MCCC2: variants seen among roughly 807,000 people sequenced by gnomAD.
MCCC2 encodes methylcrotonyl-CoA carboxylase subunit 2.
MCCC2 carries 52 observed loss-of-function variants against 77.2 expected under a neutral mutation model. That is an observed-to-expected ratio of 0.67 (90% confidence interval 0.54 to 0.85). The LOEUF is 0.85. Ranked by LOEUF, MCCC2 falls within the 40% of genes least tolerant of loss-of-function variation. MCCC2 has a pLI of 0.00. For synonymous variants in MCCC2, 253 were observed against 248.4 expected (o/e 1.02, Z -0.18); for missense variants, 682 against 703.2 (o/e 0.97, Z 0.34).
chr5:71,616,256 G>A (rs567844721), intron 6 of MCCC2, among the ~76,000 whole-genome samples: 3 of 152,252 alleles, frequency 2.0e-5, no homozygotes, highest in African/African-American at 7.2e-5. Context: ...GAGTTCTGTG[G>A]GCCACTCTTG....
intron 6 of MCCC2, among the ~76,000 whole-genome samples, chr5:71,620,212 A>G (rs1277484970): frequency 2.0e-5 from 3 of 152,194 alleles, no homozygotes; most frequent in African/African-American, 4.8e-5. Context: ...ATCAGTCAGT[A>G]TAGTTGATAA....
At chr5:71,610,803 G>A (rs1403503638) in intron 6 of MCCC2, among the ~76,000 whole-genome samples, 4 of 151,336 alleles carry the variant, frequency 2.6e-5, no homozygotes, top group East Asian at 4.0e-4. Context: ...TGGCTAACGC[G>A]GTGAAACCCC....
chr5:71,602,429 G>A, intron 4 of MCCC2, 77 bp from the exon 5 acceptor site: 1 of 1,576,588 alleles, frequency 6.3e-7, no homozygotes, highest in Non-Finnish European at 8.7e-7. Context: ...GGTTGTATTG[G>A]GGTATCTTGT....
chr5:71,592,818 C>T (rs1745031116), intron 1 of MCCC2, 108 bp from the exon 2 acceptor site: 3 of 889,768 alleles, frequency 3.4e-6, no homozygotes, highest in Admixed American at 2.1e-5. Flanking sequence ...GGCGGCCACA[C>T]AGAGTTGGCA....
chr5:71,606,327 CT>C (rs1439312269), intron 6 of MCCC2, among the ~76,000 whole-genome samples: 4 of 151,746 alleles, frequency 2.6e-5, no homozygotes, highest in African/African-American at 9.7e-5. Flanking sequence ...ATTTTATTCT[CT>C]TTGAAGCAAT....
chr5:71,652,555 T>C (rs1747463103), intron 15 of MCCC2, 114 bp from the exon 16 acceptor site: 1 of 805,590 alleles, frequency 1.2e-6, no homozygotes, highest in Non-Finnish European at 2.1e-6. Context: ...ACTATGCACA[T>C]GTTAGATGTA....
intron 5 of MCCC2, among the ~76,000 whole-genome samples, chr5:71,603,373 G>C (rs902702783): frequency 7.3e-6 from 1 of 137,306 alleles, no homozygotes; most frequent in African/African-American, 2.8e-5. Context: ...CTGAAATCGT[G>C]CCACTGTACT....
chr5:71,626,648 G>A lies in MCCC2; in HGVS notation c.633G>A (p.Val211=). 2 of 1,613,754 alleles carry A rather than the reference G, an allele frequency of 1.2e-6. No individual in the cohort carries two copies. Among genetic ancestry groups the A allele is most frequent in the Non-Finnish European group, 1.7e-6 (2 of 1,179,736 alleles). The part of the protein sequence containing the change: ...MSSKNIAQIA[V]VMGSCTAGGA... ...GTGTGCTTGGATTCCAGATCGCAGT[G>A]GTCATGGGCTCCTGCACCGCAGGAG... is the stretch of plus-strand genomic sequence containing the variant. Residue 211 remains valine (V), a synonymous_variant, in exon 7 of 17, where the codon GTG becomes GTA. Transcript: ENST00000340941.
chr5:71,615,647 G>A (rs2112378211), intron 6 of MCCC2, among the ~76,000 whole-genome samples: 1 of 152,198 alleles, frequency 6.6e-6, no homozygotes, highest in South Asian at 2.1e-4. Flanking sequence ...TCCAGGAACA[G>A]AGCTCCTAAA....
chr5:71,593,370 G>C (rs985100361), intron 2 of MCCC2, among the ~76,000 whole-genome samples: 4 of 151,716 alleles, frequency 2.6e-5, no homozygotes, highest in Non-Finnish European at 4.4e-5. Flanking sequence ...AATTATAGGC[G>C]TGAGCCACTA....
intron 6 of MCCC2, among the ~76,000 whole-genome samples, chr5:71,622,301 C>T (rs891596829): frequency 6.6e-6 from 1 of 151,766 alleles, no homozygotes; most frequent in African/African-American, 2.4e-5. Flanking sequence ...CTCAGGTACC[C>T]CATAAATATA....
intron 7 of MCCC2, 149 bp from the exon 8 acceptor site, chr5:71,631,972 C>T (rs1266855214): frequency 1.3e-6 from 1 of 755,280 alleles, no homozygotes; most frequent in African/African-American, 1.7e-5. Context: ...TCCAGGTTTC[C>T]TAGGTGCATG....
intron 11 of MCCC2, among the ~76,000 whole-genome samples, chr5:71,642,216 G>A (rs1265474271): frequency 6.7e-6 from 1 of 149,166 alleles, no homozygotes; most frequent in Admixed American, 6.7e-5. Flanking sequence ...GAGTGAGAAG[G>A]AGAAGAAGGG....
chr5:71,618,488 TCTTCCTTCCTTCCTTCCTTC>T (rs60010762), intron 6 of MCCC2, among the ~76,000 whole-genome samples: 1,025 of 97,202 alleles, frequency 0.011, 15 homozygotes, highest in Middle Eastern at 0.033. Flanking sequence ...CTTCTTTCCT[TCTTCCTTCCTTCCTTCCTTC>T]CTTCCTTCCT....
intron 6 of MCCC2, among the ~76,000 whole-genome samples, chr5:71,616,385 T>G (rs1746154047): frequency 6.6e-6 from 1 of 152,224 alleles, no homozygotes; most frequent in Non-Finnish European, 1.5e-5. Context: ...CTTGTAGGAC[T>G]GAGCCCTTAG....
chr5:71,656,855 A>G lies in MCCC2; in HGVS notation c.1687A>G (p.Met563Val), dbSNP rs762583761. The G allele has an allele frequency of 6.2e-7, 1 of 1,610,236 alleles. No individual in the cohort carries two copies. The highest frequency in any genetic ancestry group is 1.1e-5 in the South Asian group (1 of 91,014). The change falls in exon 17 of 17, where the codon ATG becomes GTG. Residue 563 changes from methionine (M) to valine (V), a missense_variant. Transcript: ENST00000340941. Reference sequence around the variant, plus strand: ...GAAGACTGACTTCGGTATCTTCAGGATGTAACTGGAATAAAGGATGTTTTC... The same window carrying G: ...GAAGACTGACTTCGGTATCTTCAGGGTGTAACTGGAATAAAGGATGTTTTC... ...IEKTDFGIFR[M>V]
chr5:71,609,132 A>G (rs1001035122), intron 6 of MCCC2, among the ~76,000 whole-genome samples: 10 of 152,188 alleles, frequency 6.6e-5, no homozygotes, highest in Admixed American at 6.5e-4. Flanking sequence ...TAGATTGTGG[A>G]AGTTCTCCTG....
At position 71,595,647 on chromosome 5, in the gene MCCC2, G is replaced by A. The variant is rs1457770884; in HGVS notation, c.197-633G>A. 3.9e-5 allele frequency among the ~76,000 whole-genome samples: 6 copies of A among 152,196 alleles called. No individual in the cohort carries two copies. The South Asian group carries it at 8.3e-4, about 21-fold the overall frequency. On this transcript the variant is annotated intron_variant, in intron 2 of 16. Coordinates refer to ENST00000340941, the MANE Select transcript of MCCC2 (RefSeq NM_022132.5). The stretch of plus-strand genomic sequence containing the variant: ...TCTTGCTCCATTACCTTGGTTTGCC[G>A]AGAGTGGGTTATAGATATTCCCAAG...
chr5:71,592,998 C>T lies in MCCC2; in HGVS notation c.196+6C>T. The T allele has an allele frequency of 1.9e-6, 3 of 1,608,018 alleles. No individual in the cohort carries two copies. The highest frequency in any genetic ancestry group is 2.6e-6 in the Non-Finnish European group (3 of 1,174,668). On this transcript the variant is annotated splice_donor_region_variant and intron_variant, in intron 2 of 16. Transcript: ENST00000340941. ...AGTGGAGCATATAAAACTAGGTAAA[C>T]ACAGCATTTATTCCACAGCTTATGC...
Sources: allele counts gnomAD v4.1 joint callset (sites outside exome capture counted in the v4.1 genomes callset), GRCh38; gene constraint gnomAD v4.1.1; transcripts MANE v1.5; gene names NCBI Gene and HGNC (gene_info 2026-07-23, HGNC 2026-07-21).